Variants in MALRD1 observed in about 807,000 individuals in gnomAD.
MALRD1 encodes MAM and LDL-receptor class A domain-containing protein 1.
A neutral mutation model predicts 242.1 loss-of-function variants in MALRD1; 247 were observed. That is an observed-to-expected ratio of 1.02 (90% confidence interval 0.92 to 1.13). The LOEUF (loss-of-function observed/expected upper bound fraction) is 1.13. Ranked by LOEUF, MALRD1 falls within the 50% of genes most tolerant of loss-of-function variation. MALRD1 has a pLI of 0.00. For missense variants in MALRD1, 2,989 were observed against 2,533.1 expected (o/e 1.18, Z -3.86); for synonymous variants, 995 against 866.6 (o/e 1.15, Z -2.60).
intron 34 of MALRD1, among the ~76,000 whole-genome samples, chr10:19,604,874 A>G (rs1445396568): frequency 6.6e-6 from 1 of 152,146 alleles, no homozygotes. Context: ...ATGCAACATT[A>G]GCTTTATTAT....
chr10:19,419,495 G>A (rs1833639116), intron 28 of MALRD1, among the ~76,000 whole-genome samples: 1 of 151,964 alleles, frequency 6.6e-6, no homozygotes, highest in Non-Finnish European at 1.5e-5. Flanking sequence ...TAGAGATGGG[G>A]TTGCACTGTC....
chr10:19,330,303 C>T (rs1330069043), intron 23 of MALRD1, among the ~76,000 whole-genome samples: 1 of 150,840 alleles, frequency 6.6e-6, no homozygotes, highest in Non-Finnish European at 1.5e-5. Context: ...AAGAGGAGAA[C>T]ACCTAGGTTC....
chr10:19,152,860 T>C (rs570125437), intron 11 of MALRD1, among the ~76,000 whole-genome samples: 24 of 152,270 alleles, frequency 1.6e-4, no homozygotes, highest in African/African-American at 5.3e-4. Context: ...ATAATATTAG[T>C]CTAAGATTAT....
intron 33 of MALRD1, among the ~76,000 whole-genome samples, chr10:19,590,670 A>G (rs920513246): frequency 6.6e-6 from 1 of 152,110 alleles, no homozygotes; most frequent in African/African-American, 2.4e-5. Flanking sequence ...ATTTTATTTT[A>G]TATAGCAAAA....
At chr10:19,365,017 G>A (rs1455435575) in intron 26 of MALRD1, among the ~76,000 whole-genome samples, 3 of 151,882 alleles carry the variant, frequency 2.0e-5, no homozygotes, top group Non-Finnish European at 4.4e-5. Context: ...ACAGATACAT[G>A]AATAGATTAC....
At chr10:19,097,311 A>G (rs1836077218) in intron 4 of MALRD1, among the ~76,000 whole-genome samples, 1 of 152,162 alleles carries the variant, frequency 6.6e-6, no homozygotes, top group Admixed American at 6.5e-5. Context: ...TTATTATGTT[A>G]AAGCATTACA....
At chr10:19,331,329 CTTGA>C (rs768982142) in intron 23 of MALRD1, 36 bp from the exon 24 acceptor site, 1 of 1,494,736 alleles carries the variant, frequency 6.7e-7, no homozygotes, top group South Asian at 1.2e-5. Flanking sequence ...TTTTGAACTT[CTTGA>C]TTGACAGTTT....
At chr10:19,485,500 G>A (rs756714627) in intron 29 of MALRD1, among the ~76,000 whole-genome samples, 9 of 151,974 alleles carry the variant, frequency 5.9e-5, no homozygotes, top group South Asian at 4.2e-4. Context: ...AAAATTAGCC[G>A]GGCGTGGTGG....
intron 18 of MALRD1, among the ~76,000 whole-genome samples, chr10:19,216,115 C>CTTTTTTTTT (rs1203339393): frequency 8.7e-6 from 1 of 114,310 alleles, no homozygotes; most frequent in African/African-American, 2.9e-5. Context: ...TTCTTTCTTT[C>CTTTTTTTTT]TTTCTTTTTT....
At chr10:19,660,014 A>T (rs1461088080) in intron 36 of MALRD1, among the ~76,000 whole-genome samples, 1 of 152,164 alleles carries the variant, frequency 6.6e-6, no homozygotes, top group Non-Finnish European at 1.5e-5. Context: ...GAACTAAATC[A>T]GACAGTCGTC....
At chr10:19,129,425 G>T (rs1453849281) in intron 8 of MALRD1, among the ~76,000 whole-genome samples, 1 of 152,058 alleles carries the variant, frequency 6.6e-6, no homozygotes, top group African/African-American at 2.4e-5. Flanking sequence ...GCATTCCCAG[G>T]TGTGCACCCT....
Position 19,217,532 on chromosome 10 carries a change from C to CT in MALRD1, c.2991+7871dup, listed in dbSNP as rs34267262. ...TGTAGATATACATTTATCATGCAGT[C>CT]TTTTTTTTTTTTTTTTTTTGAGACA... On this transcript the variant is annotated intron_variant, in intron 18 of 39. Coordinates refer to ENST00000454679, the MANE Select transcript of MALRD1 (RefSeq NM_001142308.3). 2.8e-3 allele frequency among the ~76,000 whole-genome samples: 326 copies of CT among 116,366 alleles called. 2 individuals are homozygous for CT. The highest frequency in any genetic ancestry group is 5.4e-3 in the East Asian group (18 of 3,348). 76.3% of individuals were successfully genotyped at this position (116,366 alleles called of 152,430 possible). A position where few individuals can be genotyped will look rare whatever the true frequency, so the allele number is the denominator to read the frequency against.
At chr10:19,452,552 A>C (rs1273887517) in intron 29 of MALRD1, among the ~76,000 whole-genome samples, 1 of 152,254 alleles carries the variant, frequency 6.6e-6, no homozygotes, top group African/African-American at 2.4e-5. Flanking sequence ...CAGCCCAGCC[A>C]TCTACAATTA....
intron 1 of MALRD1, among the ~76,000 whole-genome samples, chr10:19,052,799 G>T (rs993613659): frequency 2.0e-5 from 3 of 152,182 alleles, no homozygotes; most frequent in African/African-American, 7.2e-5. Context: ...AGCATAGGTT[G>T]TAACCCCTCT....
chr10:19,153,613 C>G (rs1201344693), intron 11 of MALRD1, among the ~76,000 whole-genome samples: 1 of 151,454 alleles, frequency 6.6e-6, no homozygotes, highest in African/African-American at 2.4e-5. Context: ...TGTTTGAACC[C>G]AGGAGTTCCA....
At chr10:19,626,033 G>A (rs541940646) in intron 36 of MALRD1, among the ~76,000 whole-genome samples, 1 of 152,172 alleles carries the variant, frequency 6.6e-6, no homozygotes, top group Non-Finnish European at 1.5e-5. Context: ...TCAATTTAAA[G>A]TGGAGAATAT....
intron 6 of MALRD1, among the ~76,000 whole-genome samples, chr10:19,124,195 G>A (rs1837171167): frequency 6.6e-6 from 1 of 152,100 alleles, no homozygotes; most frequent in Admixed American, 6.6e-5. Flanking sequence ...TGGCCTGGGT[G>A]GCAGAACAAG....
intron 36 of MALRD1, among the ~76,000 whole-genome samples, chr10:19,645,492 T>C (rs187547524): frequency 2.6e-5 from 4 of 152,288 alleles, no homozygotes. Flanking sequence ...TGTCCAACAG[T>C]GATAGACTGG....
intron 12 of MALRD1, among the ~76,000 whole-genome samples, chr10:19,163,189 C>T (rs1006254064): frequency 8.7e-6 from 1 of 114,924 alleles, no homozygotes; most frequent in Non-Finnish European, 1.8e-5. Context: ...CATAAAGATA[C>T]ATTCACATGT....
Sources: gnomAD v4.1 joint callset for allele counts (sites outside exome capture counted in the v4.1 genomes callset) on GRCh38, gnomAD v4.1.1 for gene constraint, MANE v1.5 for transcripts, NCBI Gene and HGNC (gene_info 2026-07-23, HGNC 2026-07-21) for gene names.